The following GPC6 variants were observed in gnomAD, a reference collection of about 807,000 sequenced individuals.
GPC6 encodes glypican 6.
In GPC6, 14 loss-of-function variants were observed where a neutral mutation model predicts 55.2. The observed-to-expected ratio is 0.25, with a 90% confidence interval of 0.17 to 0.40. The LOEUF (loss-of-function observed/expected upper bound fraction) is 0.40. Among genes scored for constraint, GPC6 ranks in the 10% least tolerant of loss-of-function variants. The pLI is 1.00. For missense variants in GPC6, 641 were observed against 708.5 expected, an observed-to-expected ratio of 0.90 and a Z score of 1.08; for synonymous variants, 278 against 259.6, an observed-to-expected ratio of 1.07 and a Z score of -0.68.
chr13:93,317,232 T>C (rs1005288395), intron 1 of GPC6, among the ~76,000 whole-genome samples: 3 of 152,164 alleles, frequency 2.0e-5, no homozygotes, highest in Non-Finnish European at 4.4e-5. Flanking sequence ...AGAATTTGAA[T>C]GGGCACATAC....
intron 3 of GPC6, among the ~76,000 whole-genome samples, chr13:94,012,348 C>T (rs1256003305): frequency 6.6e-6 from 1 of 152,046 alleles, no homozygotes; most frequent in South Asian, 2.1e-4. Context: ...CATGGAATCC[C>T]ACTGCTGCTT....
intron 4 of GPC6, among the ~76,000 whole-genome samples, chr13:94,031,577 T>TAACA (rs58368410): frequency 0.14 from 21,341 of 152,114 alleles, 1,788 homozygotes; most frequent in East Asian, 0.34. Flanking sequence ...TTTAAGGCAT[T>TAACA]AACAGTCTCT....
At chr13:94,312,316 T>C (rs1169282731) in intron 6 of GPC6, among the ~76,000 whole-genome samples, 1 of 152,204 alleles carries the variant, frequency 6.6e-6, no homozygotes, top group Non-Finnish European at 1.5e-5. Context: ...ATCATCAAGA[T>C]ATGCAACTTT....
Position 93,830,188 on chromosome 13 carries a change from G to A in GPC6, c.354G>A (p.Lys118=). Reference sequence around the variant, plus strand: ...GAGAGCTCCTGGAGAATGCAGAAAAGTCACTAAATGATATGTTTGTACGGA... The same window carrying A: ...GAGAGCTCCTGGAGAATGCAGAAAAATCACTAAATGATATGTTTGTACGGA... ...FFRELLENAE[K]SLNDMFVRTY... The change falls in exon 3 of 9, where the codon AAG becomes AAA. Residue 118 remains lysine (K), a synonymous_variant. Coordinates refer to ENST00000377047, the MANE Select transcript of GPC6 (RefSeq NM_005708.5). 1.2e-6 allele frequency: 2 copies of A among 1,607,142 alleles called. No homozygotes were observed. Among genetic ancestry groups the A allele is most frequent in the Non-Finnish European group, 1.7e-6 (2 of 1,176,246 alleles).
At chr13:93,877,697 T>G (rs1874672263) in intron 3 of GPC6, among the ~76,000 whole-genome samples, 1 of 152,144 alleles carries the variant, frequency 6.6e-6, no homozygotes, top group African/African-American at 2.4e-5. Context: ...ACAATCAGTA[T>G]TTCAAAGATA....
intron 4 of GPC6, among the ~76,000 whole-genome samples, chr13:94,253,393 C>T (rs1891415778): frequency 6.6e-6 from 1 of 152,114 alleles, no homozygotes; most frequent in South Asian, 2.1e-4. Flanking sequence ...ACATTGAGAA[C>T]TGCCCTGTAA....
intron 3 of GPC6, among the ~76,000 whole-genome samples, chr13:93,851,123 T>TA (rs770234079): frequency 8.5e-4 from 129 of 151,956 alleles, no homozygotes; most frequent in Non-Finnish European, 1.3e-4. Context: ...CAGGACTTTT[T>TA]AAAAAATCAC....
At chr13:94,288,749 A>AATATATAAAATATATATATATTTGTT (rs1874689905) in intron 5 of GPC6, among the ~76,000 whole-genome samples, 3 of 91,702 alleles carry the variant, frequency 3.3e-5, no homozygotes, top group Admixed American at 2.5e-4. Flanking sequence ...ATATATATAT[A>AATATATAAAATATATATATATTTGTT]ATATATATAA....
intron 3 of GPC6, among the ~76,000 whole-genome samples, chr13:93,852,521 T>A (rs1356704096): frequency 2.0e-5 from 3 of 151,738 alleles, no homozygotes; most frequent in African/African-American, 7.2e-5. Context: ...TGGTACAATA[T>A]GTCTAAAATA....
chr13:93,407,397 A>C (rs1876334190), intron 1 of GPC6, among the ~76,000 whole-genome samples: 1 of 152,154 alleles, frequency 6.6e-6, no homozygotes, highest in Admixed American at 6.6e-5. Context: ...GTTGGGTAAA[A>C]AAAAACACCA....
At chr13:93,613,496 TGACA>T (rs1414467531) in intron 2 of GPC6, among the ~76,000 whole-genome samples, 2 of 150,286 alleles carry the variant, frequency 1.3e-5, no homozygotes, top group African/African-American at 2.5e-5. Context: ...TCATTCTCTG[TGACA>T]GACAAGCAAA....
At chr13:93,891,426 C>A (rs1326679717) in intron 3 of GPC6, among the ~76,000 whole-genome samples, 1 of 152,058 alleles carries the variant, frequency 6.6e-6, no homozygotes, top group Non-Finnish European at 1.5e-5. Flanking sequence ...CTTGGCCATG[C>A]AATATGCTGA....
chr13:94,186,059 C>CAAA lies in GPC6; in HGVS notation c.878-100290_878-100289insAAA, dbSNP rs776003680. Among the ~76,000 whole-genome samples the CAAA allele has an allele frequency of 1.7e-3, 108 of 63,860 alleles. 28 individuals carry two copies. The highest frequency in any genetic ancestry group is 1.9e-3 in the Admixed American group (8 of 4,210). The allele number at this position is 63,860 out of a possible 152,430, so 41.9% of individuals were successfully genotyped here. A position where few individuals can be genotyped will look rare whatever the true frequency, so the allele number is the denominator to read the frequency against. ...TAGGTGACAGAGCGAGACTCCGTCT[C>CAAA]CAAAAAAAAAAAAAAAAAAAAGGTT... On this transcript the variant is annotated intron_variant, in intron 4 of 8. Coordinates refer to ENST00000377047, the MANE Select transcript of GPC6 (RefSeq NM_005708.5).
chr13:93,937,006 G>A (rs1878469685), intron 3 of GPC6, among the ~76,000 whole-genome samples: 1 of 152,184 alleles, frequency 6.6e-6, no homozygotes, highest in African/African-American at 2.4e-5. Context: ...TCCAGCACCC[G>A]ATAGAAAGAA....
At chr13:93,975,967 TCTGA>T (rs1418884070) in intron 3 of GPC6, among the ~76,000 whole-genome samples, 4 of 152,290 alleles carry the variant, frequency 2.6e-5, no homozygotes, top group South Asian at 2.1e-4. Flanking sequence ...CCTTTCCAGA[TCTGA>T]CTGTCTTAAA....
chr13:93,843,317 G>A (rs1387084793), intron 3 of GPC6, among the ~76,000 whole-genome samples: 8 of 152,010 alleles, frequency 5.3e-5, no homozygotes, highest in African/African-American at 1.4e-4. Context: ...TGGGAGCTCC[G>A]TAGCTCTCTT....
chr13:94,174,102 T>C (rs1457802425), intron 4 of GPC6, among the ~76,000 whole-genome samples: 1 of 152,184 alleles, frequency 6.6e-6, no homozygotes, highest in African/African-American at 2.4e-5. Flanking sequence ...ATAAATCATG[T>C]ACTACTGTAG....
Position 94,120,673 on chromosome 13 carries a change from C to T in GPC6, c.877+92779C>T, listed in dbSNP as rs546808633. ...TTGTTTGTGCCCCCACAATTGAATA[C>T]AACTGATAAAGGCTTTGGAATATAA... is the stretch of plus-strand genomic sequence containing the variant. On this transcript the variant is annotated intron_variant, in intron 4 of 8. Coordinates refer to ENST00000377047, the MANE Select transcript of GPC6 (RefSeq NM_005708.5). Among the ~76,000 whole-genome samples, 10 of 152,064 alleles carry T rather than the reference C, an allele frequency of 6.6e-5. No individual in the cohort carries two copies. The South Asian group carries it at 1.7e-3, about 25-fold the overall frequency.
chr13:94,174,072 G>C (rs544925019), intron 4 of GPC6, among the ~76,000 whole-genome samples: 1 of 152,186 alleles, frequency 6.6e-6, no homozygotes, highest in South Asian at 2.1e-4. Context: ...TAGCTCTCTG[G>C]AAATAAGTGA....
Sources: allele counts gnomAD v4.1 joint callset (sites outside exome capture counted in the v4.1 genomes callset), GRCh38; gene constraint gnomAD v4.1.1; transcripts MANE v1.5; gene names NCBI Gene and HGNC (gene_info 2026-07-23, HGNC 2026-07-21).